Variants in GSN observed in about 807,000 individuals in gnomAD.
GSN encodes the protein gelsolin, also known as actin-depolymerizing factor.
GSN carries 56 observed loss-of-function variants against 85.7 expected under a neutral mutation model. The observed-to-expected ratio is 0.65, with a 90% CI of 0.53 to 0.82. The LOEUF (loss-of-function observed/expected upper bound fraction) is 0.82. Among genes scored for constraint, GSN ranks in the 40% least tolerant of loss-of-function variants. GSN has a pLI of 0.00. For missense variants in GSN, 857 were observed against 979.8 expected, an observed-to-expected ratio of 0.87 and a Z score of 1.67; for synonymous variants, 373 against 399.1, an observed-to-expected ratio of 0.93 and a Z score of 0.78.
intron 6 of GSN, among the ~76,000 whole-genome samples, chr9:121,252,594 C>T (rs2054863606): frequency 1.3e-5 from 2 of 152,162 alleles, no homozygotes; most frequent in Admixed American, 6.5e-5. Flanking sequence ...TGGGCTAAAG[C>T]ATAAAAGAGT....
In GSN at chr9:121,240,465, A is replaced by C. The variant is rs188356523; in HGVS notation, c.-388-7811A>C. ...GTATATTGGGTGGCTCCTGGAACCAAAAGAGAACTTCAACAATCAGGCCTC... is the reference window on the plus strand; with the variant it reads ...GTATATTGGGTGGCTCCTGGAACCACAAGAGAACTTCAACAATCAGGCCTC... On this transcript the variant is annotated intron_variant, in intron 5 of 24. Transcript: ENST00000373823. Among the ~76,000 whole-genome samples, 115 of 152,366 alleles carry C rather than the reference A, an allele frequency of 7.5e-4. 1 individual carries two copies. Among genetic ancestry groups the C allele is most frequent in the Non-Finnish European group, 2.1e-4 (14 of 68,036 alleles).
At chr9:121,216,943 A>T (rs1470816077) in intron 4 of GSN, among the ~76,000 whole-genome samples, 1 of 152,190 alleles carries the variant, frequency 6.6e-6, no homozygotes, top group East Asian at 1.9e-4. Flanking sequence ...GTGTCTTCAC[A>T]TGGTCTTCCC....
At chr9:121,232,934 G>A (rs1320614880) in intron 5 of GSN, among the ~76,000 whole-genome samples, 1 of 152,188 alleles carries the variant, frequency 6.6e-6, no homozygotes, top group African/African-American at 2.4e-5. Flanking sequence ...TGAGTCCCCT[G>A]ATAGAAGTTT....
At chr9:121,321,513 T>A in intron 11 of GSN, 112 bp downstream of exon 11, 2 of 985,774 alleles carry the variant, frequency 2.0e-6, no homozygotes, top group Non-Finnish European at 3.1e-6. Context: ...CACTCCCTGC[T>A]GGGAGAGGCT....
chr9:121,325,979 C>T (rs148601290), intron 12 of GSN, among the ~76,000 whole-genome samples: 38 of 151,804 alleles, frequency 2.5e-4, no homozygotes, highest in African/African-American at 8.9e-4. Context: ...GCCGGGGCCA[C>T]GGTAAGGTGC....
intron 10 of GSN, among the ~76,000 whole-genome samples, chr9:121,319,082 G>A (rs947768048): frequency 1.3e-5 from 2 of 152,214 alleles, no homozygotes; most frequent in African/African-American, 4.8e-5. Context: ...ACCTTGCCCC[G>A]AGGAGTGCCT....
intron 1 of GSN, among the ~76,000 whole-genome samples, chr9:121,274,497 G>A (rs1228529632): frequency 6.6e-6 from 1 of 151,244 alleles, no homozygotes; most frequent in Non-Finnish European, 1.5e-5. Flanking sequence ...ACATTTTATA[G>A]CTTTTTCTTG....
chr9:121,221,870 A>G (rs1314643606), intron 4 of GSN, among the ~76,000 whole-genome samples: 1 of 152,174 alleles, frequency 6.6e-6, no homozygotes, highest in Admixed American at 6.5e-5. Flanking sequence ...GCCACTTTCA[A>G]TTGATTTTAT....
intron 11 of GSN, among the ~76,000 whole-genome samples, chr9:121,321,903 G>C (rs1182427190): frequency 1.3e-5 from 2 of 151,904 alleles, no homozygotes; most frequent in African/African-American, 2.4e-5. Context: ...CACCATGCCT[G>C]GCTAATTTTT....
chr9:121,308,826 G>GT (rs1442380359), intron 4 of GSN: 2 of 152,246 alleles, frequency 1.3e-5, no homozygotes, highest in African/African-American at 4.8e-5. Context: ...CAGGCGATGC[G>GT]TGAAGAATGC....
intron 2 of GSN, among the ~76,000 whole-genome samples, chr9:121,298,729 G>A (rs1433801390): frequency 6.6e-6 from 1 of 152,248 alleles, no homozygotes; most frequent in Non-Finnish European, 1.5e-5. Flanking sequence ...CAGGCTGCAG[G>A]GTGAAGGGGA....
chr9:121,217,766 A>C (rs2054092556), intron 4 of GSN, among the ~76,000 whole-genome samples: 1 of 149,734 alleles, frequency 6.7e-6, no homozygotes, highest in Admixed American at 6.7e-5. Flanking sequence ...AAATTTAATT[A>C]AATTTTTAAA....
At chr9:121,285,316 G>A (rs1324494768) in intron 2 of GSN, 2 of 167,106 alleles carry the variant, frequency 1.2e-5, no homozygotes, top group Non-Finnish European at 2.9e-5. Context: ...ACATAAATCT[G>A]AATTCTCAAC....
upstream of GSN, chr9:121,203,566 T>A (rs1358038550): frequency 2.6e-5 from 4 of 152,398 alleles, no homozygotes; most frequent in African/African-American, 9.6e-5. Context: ...AAATCAATCT[T>A]TCTCTTAGCG....
intron 1 of GSN, among the ~76,000 whole-genome samples, chr9:121,277,535 C>T (rs1458631241): frequency 6.6e-6 from 1 of 152,102 alleles, no homozygotes; most frequent in African/African-American, 2.4e-5. Context: ...GGCTAAAGAC[C>T]CAGTGACAGT....
chr9:121,218,914 G>A (rs2054117386), intron 4 of GSN, among the ~76,000 whole-genome samples: 1 of 152,150 alleles, frequency 6.6e-6, no homozygotes, highest in Non-Finnish European at 1.5e-5. Flanking sequence ...ACTTTCACAA[G>A]TTTCATTTTT....
rs2054777264 is a variant in GSN at position 121,249,730 on chromosome 9, GTA to G, written c.-341+1410_-341+1411del. Reference sequence around the variant, plus strand: ...AGGTCATGGTGAGAAATAGCCACATGTATACCTGGGGACTTTCTGCCCTGGTC... The same window carrying G: ...AGGTCATGGTGAGAAATAGCCACATGTACCTGGGGACTTTCTGCCCTGGTC... On this transcript the variant is annotated intron_variant, in intron 6 of 24. Transcript: ENST00000373823. 3.3e-5 allele frequency among the ~76,000 whole-genome samples: 5 copies of G among 152,302 alleles called. No individual in the cohort carries two copies. The South Asian group carries it at 1.0e-3, about 32-fold the overall frequency.
At chr9:121,215,742 T>C (rs973606930) in intron 4 of GSN, among the ~76,000 whole-genome samples, 1 of 151,932 alleles carries the variant, frequency 6.6e-6, no homozygotes, top group African/African-American at 2.4e-5. Context: ...TTTACTAATA[T>C]TTATAATGTA....
intron 2 of GSN, chr9:121,286,470 C>A: frequency 3.7e-6 from 3 of 810,612 alleles, no homozygotes; most frequent in South Asian, 1.9e-5. Flanking sequence ...GCAGGCCACA[C>A]CCCCAAGCCT....
Sources: allele counts gnomAD v4.1 joint callset (sites outside exome capture counted in the v4.1 genomes callset), GRCh38; gene constraint gnomAD v4.1.1; transcripts MANE v1.5; gene names NCBI Gene and HGNC (gene_info 2026-07-23, HGNC 2026-07-21).